The following LMF1 variants were observed in gnomAD, a reference collection of about 807,000 sequenced individuals.
LMF1 encodes the protein transmembrane protein 112.
LMF1 carries 68 observed loss-of-function variants against 60.6 expected under a neutral mutation model. The observed-to-expected ratio is 1.12, with a 90% CI of 0.92 to 1.37. The LOEUF is 1.37. Among genes scored for constraint, LMF1 ranks in the 40% most tolerant of loss-of-function variants. The probability of loss-of-function intolerance (pLI) is 0.00; values close to 1 mark genes in which losing one functional copy is unlikely to be tolerated. For missense variants in LMF1, 948 were observed against 767.2 expected (o/e 1.24, Z -2.78); for synonymous variants, 418 against 324.7 (o/e 1.29, Z -3.09).
intron 1 of LMF1, chr16:968,500 A>G (rs2072973105): frequency 2.0e-5 from 3 of 152,258 alleles, no homozygotes; most frequent in South Asian, 2.1e-4. Flanking sequence ...TCTGAGGAAC[A>G]GGGAGTAGCG....
At chr16:948,841 C>T (rs1440418947) in intron 2 of LMF1, among the ~76,000 whole-genome samples, 1 of 70,822 alleles carries the variant, frequency 1.4e-5, no homozygotes, top group Non-Finnish European at 2.5e-5. Flanking sequence ...AGAGTCAGAG[C>T]CAACGACAGA....
chr16:934,042 G>T, intron 3 of LMF1: 1 of 1,510,634 alleles, frequency 6.6e-7, no homozygotes, highest in South Asian at 1.2e-5. Context: ...AGGTGCCCGG[G>T]GCCTGGAAGC....
chr16:870,773 G>C lies in LMF1; in HGVS notation c.1188C>G (p.His396Gln), dbSNP rs778438058. The C allele has an allele frequency of 2.0e-5, 32 of 1,612,962 alleles. No individual in the cohort carries two copies. In the South Asian group the frequency reaches 3.3e-4, roughly 17 times the overall value. Residue 396 changes from histidine (H) to glutamine (Q), a missense_variant, in exon 8 of 11, where the codon CAC (histidine) becomes CAG (glutamine). Physicochemically the swap from His to Gln is conservative, Grantham distance 24 (BLOSUM62 0). Transcript: ENST00000262301. ...LLSSRQVMNTHFNSLHIVNTY... is the reference protein window; with the variant it reads ...LLSSRQVMNTQFNSLHIVNTY... ...TGTTGACGATGTGAAGAGAGTTGAA[G>C]TGGGTGTTCATGACCTGCCTGGAGC... is the stretch of plus-strand genomic sequence containing the variant.
Position 879,569 on chromosome 16 carries a change from C to A in LMF1, c.897+1G>T. On this transcript the variant is annotated splice_donor_variant, in intron 6 of 10. Coordinates refer to ENST00000262301, the MANE Select transcript of LMF1 (RefSeq NM_022773.4). LOFTEE classifies it high-confidence loss of function. ...GGGCAGGGCGGGCGGCGCGGGCTCA[C>A]CTGGAACAGGATCTGCAGCACCCCG... The A allele has an allele frequency of 6.2e-7, 1 of 1,612,604 alleles. No homozygotes were observed. Among genetic ancestry groups the A allele is most frequent in the Non-Finnish European group, 8.5e-7 (1 of 1,179,612 alleles).
At chr16:861,478 C>T (rs1036091543) in intron 10 of LMF1, among the ~76,000 whole-genome samples, 1 of 151,424 alleles carries the variant, frequency 6.6e-6, no homozygotes, top group African/African-American at 2.4e-5. Context: ...CTACCTCAGC[C>T]TCCTGAGTAG....
intron 1 of LMF1, among the ~76,000 whole-genome samples, chr16:978,003 C>T (rs56072119): frequency 0.07 from 9,648 of 137,484 alleles, 681 homozygotes; most frequent in African/African-American, 0.16. Context: ...CACACACACA[C>T]ACCACACACA....
Position 854,560 on chromosome 16 carries a change from C to T in LMF1, c.1676G>A (p.Arg559His), listed in dbSNP as rs772175934. 39 of 1,608,396 alleles carry T rather than the reference C, an allele frequency of 2.4e-5. No individual in the cohort carries two copies. Among genetic ancestry groups the T allele is most frequent in the Middle Eastern group, 1.6e-4 (1 of 6,078 alleles). Reference sequence around the variant, plus strand: ...GAGGGGCCCGGGCAGAGGCCACCCACGGTCCCTGAAGTAGGGCCTCAGCTC... The same window carrying T: ...GAGGGGCCCGGGCAGAGGCCACCCATGGTCCCTGAAGTAGGGCCTCAGCTC... Reference protein sequence around the residue: ...LEELRPYFRDRGWPLPGPL With the variant: ...LEELRPYFRDHGWPLPGPL Residue 559 changes from arginine to histidine, a missense_variant, in exon 11 of 11, where the codon CGT becomes CAT. Physicochemically the swap from Arg to His is conservative, Grantham distance 29. Transcript: ENST00000262301.
At chr16:889,823 C>A (rs1054920940) in intron 5 of LMF1, among the ~76,000 whole-genome samples, 6 of 152,174 alleles carry the variant, frequency 3.9e-5, no homozygotes, top group Non-Finnish European at 8.8e-5. Flanking sequence ...GAAACCTTCA[C>A]CAGTGCCTCG....
At chr16:967,267 C>G (rs899847296) in intron 1 of LMF1, among the ~76,000 whole-genome samples, 4 of 152,234 alleles carry the variant, frequency 2.6e-5, no homozygotes, top group African/African-American at 9.6e-5. Context: ...CACACACGCC[C>G]CCGTACTGCA....
rs192625651 is a variant in LMF1 at position 859,542 on chromosome 16, G to C, written c.1530-4836C>G. ...CGGGACGGGTGTGAGTGGTGTCTCGGGACGGGTGTGCAGTGATGTCACGGG... is the reference window on the plus strand; with the variant it reads ...CGGGACGGGTGTGAGTGGTGTCTCGCGACGGGTGTGCAGTGATGTCACGGG... On this transcript the variant is annotated intron_variant, in intron 10 of 10. Transcript: ENST00000262301. Among the ~76,000 whole-genome samples, 3 of 3,112 alleles carry C rather than the reference G, an allele frequency of 9.6e-4. 1 individual carries two copies. Among genetic ancestry groups the C allele is most frequent in the Non-Finnish European group, 2.5e-3 (3 of 1,208 alleles). The allele number at this position is 3,112 out of a possible 152,430, so 2.0% of individuals were successfully genotyped here.
At chr16:973,163 T>A (rs571944471), upstream of LMF1, among the ~76,000 whole-genome samples, 275 of 152,088 alleles carry the variant, frequency 1.8e-3, 2 homozygotes, top group African/African-American at 6.3e-3. Context: ...GCCAACATGG[T>A]GAAACCCCGC....
chr16:881,129 G>A (rs910669407), intron 5 of LMF1, among the ~76,000 whole-genome samples: 1 of 152,186 alleles, frequency 6.6e-6, no homozygotes, highest in African/African-American at 2.4e-5. Flanking sequence ...GCACATAGGG[G>A]CTGTGCTGGG....
chr16:902,678 C>T, intron 4 of LMF1: 2 of 157,018 alleles, frequency 1.3e-5, no homozygotes, highest in South Asian at 1.6e-4. Flanking sequence ...GACCTCTGCA[C>T]TGCCTGTGGG....
chr16:868,298 C>T (rs2069669882), intron 10 of LMF1, among the ~76,000 whole-genome samples: 1 of 152,100 alleles, frequency 6.6e-6, no homozygotes, highest in East Asian at 1.9e-4. Context: ...CCCCAGCTCT[C>T]CCCAAAACCT....
chr16:933,505 A>G (rs2071851500), intron 3 of LMF1: 2 of 162,144 alleles, frequency 1.2e-5, no homozygotes, highest in Admixed American at 1.1e-4. Context: ...CTCCTGGGAA[A>G]GGGGCCGAGA....
chr16:877,414 G>C (rs533543327), intron 6 of LMF1, among the ~76,000 whole-genome samples: 1 of 152,210 alleles, frequency 6.6e-6, no homozygotes, highest in Non-Finnish European at 1.5e-5. Context: ...TCATGCAGGA[G>C]CACTGCCAGG....
Position 878,610 on chromosome 16 carries a change from C to T in LMF1, c.897+960G>A, listed in dbSNP as rs1378946327. 5.9e-5 allele frequency among the ~76,000 whole-genome samples: 9 copies of T among 152,296 alleles called. No individual in the cohort carries two copies. The highest frequency in any genetic ancestry group is 3.4e-3 in the Middle Eastern group (1 of 294). Reference sequence around the variant, plus strand: ...GGGTGAACCGACCGCAGGCACGCACCGTGAAACAGGACCCGGCCAACAACC... The same window carrying T: ...GGGTGAACCGACCGCAGGCACGCACTGTGAAACAGGACCCGGCCAACAACC... On this transcript the variant is annotated intron_variant, in intron 6 of 10. Transcript: ENST00000262301. The surrounding 1 kb of genome is among the most constrained non-coding windows in gnomAD (Gnocchi z 5.2).
intron 10 of LMF1, among the ~76,000 whole-genome samples, chr16:859,984 G>T (rs897979302): frequency 6.6e-6 from 1 of 151,190 alleles, no homozygotes; most frequent in Non-Finnish European, 1.5e-5. Context: ...GTGTGCAGTG[G>T]TGTTATGGTG....
upstream of LMF1, among the ~76,000 whole-genome samples, chr16:974,762 C>G (rs1421870015): frequency 1.3e-5 from 2 of 152,258 alleles, no homozygotes; most frequent in Non-Finnish European, 2.9e-5. Context: ...AGCTGTCCCC[C>G]AGCACCCCGG....
Sources: allele counts gnomAD v4.1 joint callset (sites outside exome capture counted in the v4.1 genomes callset), GRCh38; gene constraint gnomAD v4.1.1; non-coding constraint Gnocchi (gnomAD v3.1); transcripts MANE v1.5; gene names NCBI Gene and HGNC (gene_info 2026-07-23, HGNC 2026-07-21).